PTCHD4: variants seen among roughly 807,000 people sequenced by gnomAD.
PTCHD4 encodes the protein patched domain containing 4.
Under a neutral mutation model 58.1 loss-of-function variants are expected in PTCHD4, and 33 were observed. The ratio of observed to expected loss-of-function variants is 0.57; its 90% CI spans 0.43 to 0.76. The LOEUF (loss-of-function observed/expected upper bound fraction) is 0.76. Among genes scored for constraint, PTCHD4 ranks in the 30% least tolerant of loss-of-function variants. The probability of loss-of-function intolerance (pLI) is 0.00; values close to 1 mark genes in which losing one functional copy is unlikely to be tolerated. For synonymous variants in PTCHD4, 478 were observed against 409.6 expected (o/e 1.17, Z -2.02); for missense variants, 1,058 against 1,027.1 (o/e 1.03, Z -0.41).
intron 3 of PTCHD4, among the ~76,000 whole-genome samples, chr6:48,032,184 C>A (rs1283257306): frequency 1.3e-5 from 2 of 151,968 alleles, no homozygotes; most frequent in Admixed American, 1.3e-4. Flanking sequence ...AAAAAACATT[C>A]TTCTCTGCTG....
At chr6:48,108,568 G>A (rs1039974098) in intron 1 of PTCHD4, among the ~76,000 whole-genome samples, 5 of 151,824 alleles carry the variant, frequency 3.3e-5, no homozygotes, top group Non-Finnish European at 5.9e-5. Flanking sequence ...AAACCTGCAC[G>A]TTGTGCATAT....
chr6:47,919,832 C>T (rs1765376118), intron 4 of PTCHD4, among the ~76,000 whole-genome samples: 1 of 152,064 alleles, frequency 6.6e-6, no homozygotes, highest in African/African-American at 2.4e-5. Context: ...TTTTATTTTC[C>T]TCCTGGCCAG....
intron 4 of PTCHD4, among the ~76,000 whole-genome samples, chr6:47,980,139 C>T (rs966787406): frequency 6.6e-6 from 1 of 151,912 alleles, no homozygotes; most frequent in Non-Finnish European, 1.5e-5. Context: ...ACTTTAAAAT[C>T]AAACACACTT....
In PTCHD4 at chr6:47,874,805, A is replaced by G. The variant is rs1387544458; in HGVS notation, c.*3498T>C. On this transcript the variant is annotated 3_prime_UTR_variant, in exon 5 of 5. Transcript: ENST00000339488. ...TCATGCACAGCCTTCAAAGAGGTTCATAGTAACTGCAAGAATTCCTGGGAA... is the reference window on the plus strand; with the variant it reads ...TCATGCACAGCCTTCAAAGAGGTTCGTAGTAACTGCAAGAATTCCTGGGAA... Among the ~76,000 whole-genome samples the G allele has an allele frequency of 6.6e-6, 1 of 151,856 alleles. No homozygotes were observed. The highest frequency in any genetic ancestry group is 2.4e-5 in the African/African-American group (1 of 41,424).
chr6:47,958,064 T>C (rs1012932845), intron 4 of PTCHD4, among the ~76,000 whole-genome samples: 2 of 152,242 alleles, frequency 1.3e-5, no homozygotes, highest in Non-Finnish European at 2.9e-5. Context: ...GAAAATGTGA[T>C]GCCTTTTATT....
At chr6:48,110,547 G>C (rs544679111) in intron 1 of PTCHD4, among the ~76,000 whole-genome samples, 109 of 151,718 alleles carry the variant, frequency 7.2e-4, no homozygotes, top group African/African-American at 2.6e-3. Flanking sequence ...TAAGTCTAGA[G>C]ATCAAATGTA....
Position 47,870,287 on chromosome 6 carries a change from A to G in PTCHD4, c.*8016T>C, listed in dbSNP as rs145861711. 4.5e-4 allele frequency among the ~76,000 whole-genome samples: 68 copies of G among 151,760 alleles called. No homozygotes were observed. The highest frequency in any genetic ancestry group is 3.4e-3 in the Middle Eastern group (1 of 294). ...GTAAGCTTTAGATAATAGATTTGTC[A>G]TGCAGATAAATTATGAGCAATTTAA... On this transcript the variant is annotated 3_prime_UTR_variant, in exon 5 of 5. Transcript: ENST00000339488.
chr6:47,951,691 C>T (rs1288423270), intron 4 of PTCHD4, among the ~76,000 whole-genome samples: 1 of 152,076 alleles, frequency 6.6e-6, no homozygotes, highest in Non-Finnish European at 1.5e-5. Flanking sequence ...TCCCTTTTTA[C>T]ATCTCAGAAG....
intron 3 of PTCHD4, among the ~76,000 whole-genome samples, chr6:48,049,322 G>T (rs960975825): frequency 1.3e-4 from 6 of 47,722 alleles, no homozygotes; most frequent in Admixed American, 3.7e-4. Flanking sequence ...CCCTGACCTA[G>T]AGAACTTACA....
intron 3 of PTCHD4, among the ~76,000 whole-genome samples, chr6:48,066,917 T>A (rs1362191919): frequency 7.0e-6 from 1 of 143,646 alleles, no homozygotes; most frequent in Non-Finnish European, 1.5e-5. Flanking sequence ...CTGAAAAAGG[T>A]TTTTTTTTTT....
intron 4 of PTCHD4, among the ~76,000 whole-genome samples, chr6:47,982,655 T>C (rs1767928227): frequency 6.6e-6 from 1 of 152,016 alleles, no homozygotes; most frequent in South Asian, 2.1e-4. Context: ...GGCCGGCTAA[T>C]TTTTTGTATT....
intron 4 of PTCHD4, among the ~76,000 whole-genome samples, chr6:47,885,985 A>G (rs933028929): frequency 4.6e-5 from 7 of 151,972 alleles, no homozygotes; most frequent in African/African-American, 1.7e-4. Flanking sequence ...CACCTGGCTG[A>G]TTTTTGTATT....
chr6:48,051,744 A>G (rs1213465842), intron 3 of PTCHD4, among the ~76,000 whole-genome samples: 4 of 152,018 alleles, frequency 2.6e-5, no homozygotes, highest in Non-Finnish European at 5.9e-5. Context: ...ATTGACCTCA[A>G]TTTTAATGAA....
intron 3 of PTCHD4, among the ~76,000 whole-genome samples, chr6:48,057,086 C>T (rs1162476805): frequency 1.3e-5 from 2 of 152,176 alleles, no homozygotes; most frequent in South Asian, 2.1e-4. Flanking sequence ...CAAGCATATG[C>T]TCTCTGCAAC....
chr6:47,873,102 G>A lies in PTCHD4; in HGVS notation c.*5201C>T, dbSNP rs532679842. 1.3e-5 allele frequency among the ~76,000 whole-genome samples: 2 copies of A among 151,528 alleles called. No individual in the cohort carries two copies. The highest frequency in any genetic ancestry group is 4.8e-5 in the African/African-American group (2 of 41,326). On this transcript the variant is annotated 3_prime_UTR_variant, in exon 5 of 5. Transcript: ENST00000339488. ...CACTTTCACTAACAAAAGGGTCTAC[G>A]GCTCTTCCTTTGTGCTTGGAAATTC... is the stretch of plus-strand genomic sequence containing the variant.
At chr6:47,962,762 G>A (rs1202643129) in intron 4 of PTCHD4, among the ~76,000 whole-genome samples, 4 of 151,770 alleles carry the variant, frequency 2.6e-5, no homozygotes, top group Admixed American at 2.6e-4. Flanking sequence ...GTATGAAAAT[G>A]GACTAATATA....
rs1763695152 is a variant in PTCHD4, at chr6:47,870,751, C to G, written c.*7552G>C. Among the ~76,000 whole-genome samples the G allele has an allele frequency of 1.3e-5, 2 of 151,490 alleles. No homozygotes were observed. The highest frequency in any genetic ancestry group is 4.8e-5 in the African/African-American group (2 of 41,328). On this transcript the variant is annotated 3_prime_UTR_variant, in exon 5 of 5. Coordinates refer to ENST00000339488, the MANE Select transcript of PTCHD4 (RefSeq NM_001384253.1). ...CTTGGGTAATGTTTTTTTGATTTGACATTTTTGTTCACAATTCGTTTTTAA... is the reference window on the plus strand; with the variant it reads ...CTTGGGTAATGTTTTTTTGATTTGAGATTTTTGTTCACAATTCGTTTTTAA...
intron 4 of PTCHD4, among the ~76,000 whole-genome samples, chr6:47,960,437 C>A (rs540505625): frequency 2.1e-4 from 32 of 151,808 alleles, no homozygotes; most frequent in Non-Finnish European, 3.7e-4. Flanking sequence ...AAATGCAAGA[C>A]CTAACTGTAT....
Position 48,098,345 on chromosome 6 carries a change from T to TTCTTCTTCTTCTTCTTC in PTCHD4, c.-970+12703_-970+12704insGAAGAAGAAGAAGAAGA, listed in dbSNP as rs1309210161. Among the ~76,000 whole-genome samples the TTCTTCTTCTTCTTCTTC allele has an allele frequency of 9.7e-4, 131 of 134,588 alleles. 1 individual carries two copies. The highest frequency in any genetic ancestry group is 2.8e-3 in the African/African-American group (98 of 34,406). The allele number at this position is 134,588 out of a possible 152,430, so 88.3% of individuals were successfully genotyped here. On this transcript the variant is annotated intron_variant, in intron 1 of 4. Transcript: ENST00000339488. ...TCTTCTTCTTCTTCTTCTTCTTCTT[T>TTCTTCTTCTTCTTCTTC]TTTTTTTTTTTGAGAGAGAGTCTCG...
Sources: allele counts gnomAD v4.1 joint callset (sites outside exome capture counted in the v4.1 genomes callset), GRCh38; gene constraint gnomAD v4.1.1; transcripts MANE v1.5; gene names NCBI Gene and HGNC (gene_info 2026-07-23, HGNC 2026-07-21).